The following CYSLTR1 variants were observed in gnomAD, a reference collection of about 807,000 sequenced individuals.
CYSLTR1 encodes the protein cysteinyl leukotriene receptor 1, also known as G-protein coupled receptor HG55.
Under a neutral mutation model 2.1 loss-of-function variants are expected in CYSLTR1, and 1 was observed. The observed-to-expected ratio is 0.48, with a 90% CI of 0.17 to 2.28. The LOEUF (loss-of-function observed/expected upper bound fraction) is 2.28, where lower values mean the gene tolerates loss of function less well. CYSLTR1 is among the 30% of genes most tolerant of loss of function. The pLI is 0.26. For missense variants in CYSLTR1, 299 were observed against 250.1 expected (o/e 1.20, Z -1.32); for synonymous variants, 110 against 89.6 (o/e 1.23, Z -1.28).
At chrX:78,277,209 G>T (rs1921629824) in intron 2 of CYSLTR1, among the ~76,000 whole-genome samples, 1 of 110,956 alleles carries the variant, frequency 9.0e-6, no homozygotes, top group African/African-American at 3.3e-5. Flanking sequence ...ACAGAGTAGG[G>T]CTATCTTGCT....
chrX:78,324,514 T>G (rs1443655253), intron 1 of CYSLTR1, among the ~76,000 whole-genome samples: 1 of 111,353 alleles, frequency 9.0e-6, no homozygotes, highest in East Asian at 2.8e-4. Context: ...ACTACAGGCA[T>G]GCCTCATGAC....
rs1279342671 is a variant in CYSLTR1 at position 78,271,980 on chromosome X, TC to T, written c.*752del. 8.9e-6 allele frequency: 1 copy of T among 111,867 alleles called. No individual in the cohort carries two copies. The highest frequency in any genetic ancestry group is 1.9e-5 in the Non-Finnish European group (1 of 53,164). The allele number at this position is 111,867 out of a possible 1,213,427, so 9.2% of individuals were successfully genotyped here. A position where few individuals can be genotyped will look rare whatever the true frequency, so the allele number is the denominator to read the frequency against. On this transcript the variant is annotated 3_prime_UTR_variant, in exon 3 of 3. Transcript: ENST00000373304. ...TGGCTTCTTAAGGAAGAATTATATG[TC>T]ATGGATGGAGAGAAATCTCTACAGG...
At chrX:78,290,308 T>C (rs1490842665) in intron 1 of CYSLTR1, among the ~76,000 whole-genome samples, 1 of 111,440 alleles carries the variant, frequency 9.0e-6, no homozygotes, top group Non-Finnish European at 1.9e-5. Context: ...TCTCTTCTGT[T>C]CCATTGGTCT....
intron 1 of CYSLTR1, among the ~76,000 whole-genome samples, chrX:78,317,999 C>T (rs1393469558): frequency 9.1e-6 from 1 of 110,162 alleles, no homozygotes; most frequent in African/African-American, 3.3e-5. Flanking sequence ...GGCCTAGAGA[C>T]AGAAATACCA....
intron 1 of CYSLTR1, among the ~76,000 whole-genome samples, chrX:78,283,812 C>T (rs1921940888): frequency 8.9e-6 from 1 of 112,129 alleles, no homozygotes; most frequent in Non-Finnish European, 1.9e-5. Context: ...AAAATGAACA[C>T]ACTATTATAA....
chrX:78,271,807 T>G lies in CYSLTR1; in HGVS notation c.*926A>C, dbSNP rs320997. The G allele has an allele frequency of 9.0e-6, 1 of 111,551 alleles. No homozygotes were observed. The highest frequency in any genetic ancestry group is 3.3e-5 in the African/African-American group (1 of 30,705). The allele number at this position is 111,551 out of a possible 1,213,427, so 9.2% of individuals were successfully genotyped here. On this transcript the variant is annotated 3_prime_UTR_variant, in exon 3 of 3. Transcript: ENST00000373304. ...ATGCACTTCTTAAAAGAATTTGTAATGTGAACATTCACAATTTTCTTCATA... is the reference window on the plus strand; with the variant it reads ...ATGCACTTCTTAAAAGAATTTGTAAGGTGAACATTCACAATTTTCTTCATA...
At chrX:78,316,182 T>C (rs1399614854) in intron 1 of CYSLTR1, among the ~76,000 whole-genome samples, 1 of 112,716 alleles carries the variant, frequency 8.9e-6, no homozygotes, top group Non-Finnish European at 1.9e-5. Context: ...AAGAGCCTTA[T>C]AGGCGCTCCC....
chrX:78,277,849 A>G (rs1408524584), intron 2 of CYSLTR1, among the ~76,000 whole-genome samples: 2 of 112,036 alleles, frequency 1.8e-5, no homozygotes, highest in Admixed American at 9.5e-5. Context: ...GAGCTCTGAC[A>G]ACTCTAAAAT....
chrX:78,318,447 T>C (rs1923509692), intron 1 of CYSLTR1, among the ~76,000 whole-genome samples: 1 of 111,690 alleles, frequency 9.0e-6, no homozygotes, highest in Non-Finnish European at 1.9e-5. Context: ...TTAGGTTTAA[T>C]ACCTTGGTGA....
At chrX:78,298,364 TA>T (rs1922665679) in intron 1 of CYSLTR1, among the ~76,000 whole-genome samples, 1 of 111,855 alleles carries the variant, frequency 8.9e-6, no homozygotes, top group Non-Finnish European at 1.9e-5. Flanking sequence ...TTGGATGAAA[TA>T]TTCTGTGAAT....
At chrX:78,322,533 T>C (rs1390423179) in intron 1 of CYSLTR1, among the ~76,000 whole-genome samples, 1 of 111,869 alleles carries the variant, frequency 8.9e-6, no homozygotes, top group Admixed American at 9.5e-5. Flanking sequence ...ACTCATCCTC[T>C]ATGGAGATTT....
At chrX:78,285,914 A>G (rs1331372033) in intron 1 of CYSLTR1, among the ~76,000 whole-genome samples, 1 of 111,792 alleles carries the variant, frequency 8.9e-6, no homozygotes, top group East Asian at 2.8e-4. Context: ...GGGAGGGTAA[A>G]GGTGAGTTAA....
chrX:78,282,769 T>C (rs1267181711), intron 2 of CYSLTR1, among the ~76,000 whole-genome samples: 2 of 111,775 alleles, frequency 1.8e-5, no homozygotes, highest in South Asian at 3.7e-4. Context: ...ATCATTGATA[T>C]AGACTAATCA....
intron 1 of CYSLTR1, among the ~76,000 whole-genome samples, chrX:78,308,057 A>G (rs1393274617): frequency 9.0e-6 from 1 of 110,506 alleles, no homozygotes; most frequent in Non-Finnish European, 1.9e-5. Flanking sequence ...GAAAAAAAAA[A>G]GCACATGGTA....
intron 1 of CYSLTR1, among the ~76,000 whole-genome samples, chrX:78,297,193 T>A (rs1922607762): frequency 8.9e-6 from 1 of 112,032 alleles, no homozygotes; most frequent in South Asian, 3.7e-4. Flanking sequence ...ATGTAGCACA[T>A]TGATTGATTT....
chrX:78,280,554 A>G (rs945855309), intron 2 of CYSLTR1, among the ~76,000 whole-genome samples: 2 of 107,796 alleles, frequency 1.9e-5, no homozygotes, highest in African/African-American at 3.4e-5. Flanking sequence ...CTTAAGATCT[A>G]CTTTCTTTTT....
chrX:78,315,629 C>T lies in CYSLTR1; in HGVS notation c.-115+11676G>A, dbSNP rs188749219. 3.8e-3 allele frequency among the ~76,000 whole-genome samples: 428 copies of T among 111,416 alleles called. 1 individual carries two copies. The highest frequency in any genetic ancestry group is 0.013 in the African/African-American group (410 of 30,646). On this transcript the variant is annotated intron_variant, in intron 1 of 2. Coordinates refer to ENST00000373304, the MANE Select transcript of CYSLTR1 (RefSeq NM_006639.4). ...TTGGTGGTAGTCTGGCAGTAGTCTC[C>T]ATGGGTCTATAGTTATGGTGGCCAT...
At chrX:78,278,791 G>GAAAT (rs1921713925) in intron 2 of CYSLTR1, among the ~76,000 whole-genome samples, 1 of 112,048 alleles carries the variant, frequency 8.9e-6, no homozygotes, top group African/African-American at 3.2e-5. Flanking sequence ...AGGGATTCCA[G>GAAAT]AAATAAATCT....
chrX:78,317,877 T>C (rs1370720738), intron 1 of CYSLTR1, among the ~76,000 whole-genome samples: 2 of 111,833 alleles, frequency 1.8e-5, no homozygotes, highest in Admixed American at 9.5e-5. Flanking sequence ...GCGTACAGTG[T>C]ACACTGCCTG....
Sources: allele counts gnomAD v4.1 joint callset (sites outside exome capture counted in the v4.1 genomes callset), GRCh38; gene constraint gnomAD v4.1.1; transcripts MANE v1.5; gene names NCBI Gene and HGNC (gene_info 2026-07-23, HGNC 2026-07-21).